MGAT4C: variants seen among roughly 807,000 people sequenced by gnomAD.
MGAT4C encodes the protein alpha-1,3-mannosyl-glycoprotein 4-beta-N-acetylglucosaminyltransferase C.
Under a neutral mutation model 40.1 loss-of-function variants are expected in MGAT4C, and 19 were observed. That is an observed-to-expected ratio of 0.47 (90% CI 0.33 to 0.70). MGAT4C has a LOEUF of 0.70. Ranked by LOEUF, MGAT4C falls within the 30% of genes least tolerant of loss-of-function variation. The probability of loss-of-function intolerance (pLI) is 0.02; values close to 1 mark genes in which losing one functional copy is unlikely to be tolerated. For missense variants in MGAT4C, 491 were observed against 563.2 expected, an observed-to-expected ratio of 0.87 and a Z score of 1.30; for synonymous variants, 181 against 187.1, an observed-to-expected ratio of 0.97 and a Z score of 0.27.
chr12:86,026,466 T>A (rs1267240507), intron 2 of MGAT4C, among the ~76,000 whole-genome samples: 2 of 151,922 alleles, frequency 1.3e-5, no homozygotes, highest in African/African-American at 2.4e-5. Context: ...ACAAATAGAT[T>A]CACTTTATTT....
chr12:86,396,206 T>C (rs1284641115), intron 3 of MGAT4C, among the ~76,000 whole-genome samples: 2 of 152,194 alleles, frequency 1.3e-5, no homozygotes, highest in Non-Finnish European at 2.9e-5. Context: ...TTTTAAAATA[T>C]TGATACCCAG....
At chr12:86,117,434 C>A (rs1878617889) in intron 1 of MGAT4C, among the ~76,000 whole-genome samples, 1 of 152,032 alleles carries the variant, frequency 6.6e-6, no homozygotes, top group Admixed American at 6.6e-5. Flanking sequence ...TCTTAATACA[C>A]CACTGGAATG....
intron 2 of MGAT4C, among the ~76,000 whole-genome samples, chr12:86,461,537 G>A (rs374454811): frequency 6.6e-6 from 1 of 152,054 alleles, no homozygotes; most frequent in Non-Finnish European, 1.5e-5. Flanking sequence ...GAGCCACTGC[G>A]CCCGGCCACA....
chr12:86,583,594 C>A (rs371226369), intron 2 of MGAT4C, among the ~76,000 whole-genome samples: 1 of 150,956 alleles, frequency 6.6e-6, no homozygotes, highest in Non-Finnish European at 1.5e-5. Context: ...TTAAATGGTA[C>A]CACAAAGTTT....
chr12:86,056,485 T>C (rs919729660), intron 1 of MGAT4C, among the ~76,000 whole-genome samples: 12 of 152,284 alleles, frequency 7.9e-5, no homozygotes, highest in African/African-American at 2.9e-4. Flanking sequence ...CATGCAGTGT[T>C]TGGTTTTCTG....
intron 2 of MGAT4C, among the ~76,000 whole-genome samples, chr12:86,601,520 A>G (rs1419405837): frequency 2.6e-5 from 4 of 152,024 alleles, no homozygotes; most frequent in East Asian, 1.9e-4. Context: ...TGAGAGCTGT[A>G]TGGTCACCTA....
chr12:86,713,195 C>G (rs1950589607), intron 2 of MGAT4C, among the ~76,000 whole-genome samples: 1 of 152,036 alleles, frequency 6.6e-6, no homozygotes, highest in African/African-American at 2.4e-5. Context: ...CTTGTGTCTT[C>G]TTATGTATAA....
At position 85,968,546 on chromosome 12, in the gene MGAT4C, A is replaced by G. The variant is rs962377348; in HGVS notation, c.*10743T>C. The G allele has an allele frequency of 2.6e-5, 4 of 151,954 alleles. No individual in the cohort carries two copies. Among genetic ancestry groups the G allele is most frequent in the African/African-American group, 9.7e-5 (4 of 41,416 alleles). 9.4% of individuals were successfully genotyped at this position (151,954 alleles called of 1,614,324 possible). Reference sequence around the variant, plus strand: ...CAACAATAATAGTATTGAAATACCTAAAAAGGGCAGGAAACAACACAGAAT... The same window carrying G: ...CAACAATAATAGTATTGAAATACCTGAAAAGGGCAGGAAACAACACAGAAT... On this transcript the variant is annotated 3_prime_UTR_variant, in exon 5 of 5. Coordinates refer to ENST00000611864, the MANE Select transcript of MGAT4C (RefSeq NM_001351288.2).
intron 1 of MGAT4C, among the ~76,000 whole-genome samples, chr12:86,834,658 A>T (rs1414413096): frequency 7.1e-6 from 1 of 141,098 alleles, no homozygotes; most frequent in East Asian, 1.9e-4. Context: ...ATTAGGAAAC[A>T]CAGCTGAAAT....
At chr12:86,731,739 A>G (rs1014218542) in intron 1 of MGAT4C, among the ~76,000 whole-genome samples, 2 of 152,034 alleles carry the variant, frequency 1.3e-5, no homozygotes, top group African/African-American at 4.8e-5. Context: ...CTGGGAAAAA[A>G]AATGCAATTG....
intron 1 of MGAT4C, among the ~76,000 whole-genome samples, chr12:86,246,673 A>G (rs1952047257): frequency 6.6e-6 from 1 of 152,196 alleles, no homozygotes; most frequent in Non-Finnish European, 1.5e-5. Flanking sequence ...ATGTTACTTA[A>G]TAATTCATAT....
At chr12:86,141,569 GC>G (rs1882842704) in intron 1 of MGAT4C, among the ~76,000 whole-genome samples, 1 of 152,062 alleles carries the variant, frequency 6.6e-6, no homozygotes, top group African/African-American at 2.4e-5. Flanking sequence ...TATTGTATGG[GC>G]CAGCTTTAAA....
At chr12:86,385,049 G>A (rs1956025465) in intron 3 of MGAT4C, among the ~76,000 whole-genome samples, 1 of 152,090 alleles carries the variant, frequency 6.6e-6, no homozygotes. Context: ...GAAAGTTAAT[G>A]TTACCATTTA....
chr12:86,435,319 C>G (rs767630005), intron 2 of MGAT4C: 1 of 151,928 alleles, frequency 6.6e-6, no homozygotes, highest in African/African-American at 2.4e-5. Context: ...AAACATTCAT[C>G]ATGATGGCAC....
intron 2 of MGAT4C, among the ~76,000 whole-genome samples, chr12:86,595,107 A>G (rs145993538): frequency 5.3e-5 from 8 of 152,234 alleles, no homozygotes; most frequent in Admixed American, 6.5e-5. Context: ...AATAGGTTCT[A>G]ATTTAGGGAG....
intron 2 of MGAT4C, among the ~76,000 whole-genome samples, chr12:86,436,192 T>TG (rs1352575941): frequency 6.6e-6 from 1 of 151,802 alleles, no homozygotes; most frequent in Non-Finnish European, 1.5e-5. Context: ...TTTTTATATC[T>TG]GGTATCTTAT....
intron 4 of MGAT4C, among the ~76,000 whole-genome samples, chr12:86,265,046 G>C (rs1244174170): frequency 6.6e-6 from 1 of 152,192 alleles, no homozygotes; most frequent in Non-Finnish European, 1.5e-5. Flanking sequence ...AGTAAGCCTG[G>C]TCTAGCCGCA....
intron 1 of MGAT4C, among the ~76,000 whole-genome samples, chr12:86,158,761 T>C (rs992844020): frequency 2.0e-5 from 3 of 152,184 alleles, no homozygotes; most frequent in Non-Finnish European, 4.4e-5. Context: ...ACCTCCTTGG[T>C]TAGCTATATT....
chr12:86,204,522 G>A (rs967147764), intron 1 of MGAT4C, among the ~76,000 whole-genome samples: 5 of 152,132 alleles, frequency 3.3e-5, no homozygotes, highest in African/African-American at 1.2e-4. Flanking sequence ...ATATTTCAAT[G>A]ACTAGAGTAG....
Sources: gnomAD v4.1 joint callset for allele counts (sites outside exome capture counted in the v4.1 genomes callset) on GRCh38, gnomAD v4.1.1 for gene constraint, MANE v1.5 for transcripts, NCBI Gene and HGNC (gene_info 2026-07-23, HGNC 2026-07-21) for gene names.